Variants in REEP5 observed in about 807,000 individuals in gnomAD.
The protein encoded by REEP5 is receptor expression-enhancing protein 5.
Under a neutral mutation model 22.4 loss-of-function variants are expected in REEP5, and 24 were observed. That is an observed-to-expected ratio of 1.07 (90% confidence interval 0.78 to 1.51). The LOEUF (loss-of-function observed/expected upper bound fraction) is 1.51. Among genes scored for constraint, REEP5 ranks in the 40% most tolerant of loss-of-function variants. REEP5 has a pLI of 0.00. For synonymous variants in REEP5, 103 were observed against 88.6 expected (o/e 1.16, Z -0.92); for missense variants, 252 against 233.0 (o/e 1.08, Z -0.53).
intron 2 of REEP5, among the ~76,000 whole-genome samples, chr5:112,909,028 C>T (rs1366981637): frequency 6.6e-6 from 1 of 151,942 alleles, no homozygotes; most frequent in Non-Finnish European, 1.5e-5. Flanking sequence ...TAACTTTCTA[C>T]TTAAATAATA....
intron 2 of REEP5, among the ~76,000 whole-genome samples, chr5:112,912,090 C>T (rs1055193296): frequency 6.6e-6 from 1 of 152,090 alleles, no homozygotes; most frequent in African/African-American, 2.4e-5. Context: ...CTGATTTGTC[C>T]TAAACGTTTG....
At chr5:112,907,546 T>G (rs1227289100) in intron 2 of REEP5, among the ~76,000 whole-genome samples, 1 of 152,158 alleles carries the variant, frequency 6.6e-6, no homozygotes, top group Non-Finnish European at 1.5e-5. Context: ...AGGCAGAGGA[T>G]AGTTGGCAAA....
At chr5:112,891,764 G>C in intron 3 of REEP5, 1 of 1,614,034 alleles carries the variant, frequency 6.2e-7, no homozygotes, top group South Asian at 1.1e-5. Context: ...GAACTTGCTC[G>C]ACTGAGAGAC....
intron 3 of REEP5, chr5:112,892,324 A>G: frequency 4.3e-6 from 7 of 1,614,162 alleles, no homozygotes; most frequent in Admixed American, 1.7e-5. Context: ...CCCTGACGCA[A>G]GCCTGGAGTA....
intron 2 of REEP5, among the ~76,000 whole-genome samples, chr5:112,908,767 G>A (rs1769025894): frequency 6.6e-6 from 1 of 151,756 alleles, no homozygotes; most frequent in African/African-American, 2.4e-5. Context: ...TTGTTAGCCA[G>A]GATTGTCTCG....
At chr5:112,909,498 T>C (rs1403892631) in intron 2 of REEP5, among the ~76,000 whole-genome samples, 1 of 152,086 alleles carries the variant, frequency 6.6e-6, no homozygotes, top group Non-Finnish European at 1.5e-5. Context: ...ATTTTAATTA[T>C]ACCCTACTCC....
In REEP5 at chr5:112,878,831, C is replaced by T; in HGVS notation, c.525G>A (p.Lys175=). 6.2e-7 allele frequency: 1 copy of T among 1,614,022 alleles called. No homozygotes were observed. The highest frequency in any genetic ancestry group is 8.5e-7 in the Non-Finnish European group (1 of 1,180,006). The change falls in exon 5 of 5, where the codon AAG becomes AAA. Residue 175 remains lysine, a synonymous_variant. Transcript: ENST00000379638. Reference sequence around the variant, plus strand: ...CACCCAGTAAATTCACGGTAGCTTTCTTCGCTGTTTGTTTGTTAGGAGGGA... The same window carrying T: ...CACCCAGTAAATTCACGGTAGCTTTTTTCGCTGTTTGTTTGTTAGGAGGGA... ...ETADAITKEA[K]KATVNLLGEE...
intron 2 of REEP5, among the ~76,000 whole-genome samples, chr5:112,920,143 C>T (rs149171977): frequency 0.012 from 1,794 of 152,200 alleles, 24 homozygotes; most frequent in African/African-American, 0.039. Flanking sequence ...GTGTCTGTAC[C>T]GGACTAACAC....
At chr5:112,882,794 C>G (rs1014947663) in intron 4 of REEP5, among the ~76,000 whole-genome samples, 1 of 152,232 alleles carries the variant, frequency 6.6e-6, no homozygotes, top group African/African-American at 2.4e-5. Context: ...CAGTCCCTCT[C>G]CTTCGCAACT....
intron 2 of REEP5, among the ~76,000 whole-genome samples, chr5:112,911,244 C>A (rs114978985): frequency 6.6e-6 from 1 of 152,320 alleles, no homozygotes; most frequent in Non-Finnish European, 1.5e-5. Context: ...TCTGCTGTAG[C>A]GCCTTGAAAT....
intron 3 of REEP5, among the ~76,000 whole-genome samples, chr5:112,899,493 T>C (rs1768795379): frequency 6.6e-6 from 1 of 152,198 alleles, no homozygotes; most frequent in South Asian, 2.1e-4. Flanking sequence ...TCTGGGTCTG[T>C]ACATATGGAT....
At chr5:112,914,724 C>T (rs1410475915) in intron 2 of REEP5, among the ~76,000 whole-genome samples, 1 of 152,102 alleles carries the variant, frequency 6.6e-6, no homozygotes, top group Non-Finnish European at 1.5e-5. Flanking sequence ...GGAGGGCCAC[C>T]TTAGATGCGG....
intron 3 of REEP5, chr5:112,895,504 CCA>C (rs1768655138): frequency 7.9e-6 from 1 of 127,254 alleles, no homozygotes; most frequent in Admixed American, 7.6e-5. Context: ...AATTAAGTGT[CCA>C]CAGTTTTGTA....
In REEP5 at chr5:112,887,031, A is replaced by ATCTGCAGTC. The variant is rs747701157; in HGVS notation, c.495_503dup (p.Glu165_Ala167dup). The ATCTGCAGTC allele has an allele frequency of 1.2e-6, 2 of 1,608,860 alleles. No homozygotes were observed. The highest frequency in any genetic ancestry group is 3.3e-5 in the Admixed American group (2 of 59,922). ...GAGTCTTACCTTCTTTAGTGATGGC[A>ATCTGCAGTC]TCTGCAGTCTCTTTGGCCTTGTCTT... On this transcript the variant is annotated inframe_insertion, in exon 4 of 5. Transcript: ENST00000379638.
Position 112,892,913 on chromosome 5 carries a change from C to T in REEP5, c.352-5730G>A, listed in dbSNP as rs767279555. ...TCAAAGAGTCGGGAGAGGCACAATT[C>T]ACCAAGCAGAGGAAGAAATAGGCAC... On this transcript the variant is annotated intron_variant, in intron 3 of 4. Coordinates refer to ENST00000379638, the MANE Select transcript of REEP5 (RefSeq NM_005669.5). The T allele has an allele frequency of 3.9e-5, 63 of 1,607,720 alleles. No individual in the cohort carries two copies. In the Admixed American group the frequency reaches 1.0e-3, roughly 27 times the overall value.
intron 4 of REEP5, among the ~76,000 whole-genome samples, chr5:112,880,374 G>A (rs939468314): frequency 6.6e-6 from 1 of 152,200 alleles, no homozygotes; most frequent in Non-Finnish European, 1.5e-5. Flanking sequence ...GGGGAAAGGG[G>A]TTGTCTAGAA....
At chr5:112,914,183 C>T (rs886146861) in intron 2 of REEP5, among the ~76,000 whole-genome samples, 4 of 151,388 alleles carry the variant, frequency 2.6e-5, no homozygotes, top group Admixed American at 1.3e-4. Flanking sequence ...AGTGCAGTGG[C>T]GCAATCTCGG....
intron 2 of REEP5, among the ~76,000 whole-genome samples, chr5:112,912,180 G>C (rs986852286): frequency 1.3e-5 from 2 of 152,084 alleles, no homozygotes; most frequent in African/African-American, 2.4e-5. Context: ...AAGTTAAGCT[G>C]TTTGCTCAAG....
In REEP5 at chr5:112,877,438, T is replaced by C. The variant is rs563847835; in HGVS notation, c.*1348A>G. On this transcript the variant is annotated 3_prime_UTR_variant, in exon 5 of 5. Coordinates refer to ENST00000379638, the MANE Select transcript of REEP5 (RefSeq NM_005669.5). The stretch of plus-strand genomic sequence containing the variant: ...ACTCAGATTTTCTAGTCCAGACAAA[T>C]TGCTCTCTATAACGATTTGGCAGAT... 1 of 152,300 alleles carries C rather than the reference T, an allele frequency of 6.6e-6. No homozygotes were observed. Among genetic ancestry groups the C allele is most frequent in the African/African-American group, 2.4e-5 (1 of 41,564 alleles). 9.4% of individuals were successfully genotyped at this position (152,300 alleles called of 1,614,324 possible).
Sources: allele counts gnomAD v4.1 joint callset (sites outside exome capture counted in the v4.1 genomes callset), GRCh38; gene constraint gnomAD v4.1.1; transcripts MANE v1.5; gene names NCBI Gene and HGNC (gene_info 2026-07-23, HGNC 2026-07-21).